Variants in CTNNBIP1 observed in about 807,000 individuals in gnomAD.
The protein encoded by CTNNBIP1 is beta-catenin-interacting protein 1.
In CTNNBIP1, 7 loss-of-function variants were observed where a neutral mutation model predicts 11.8. That is an observed-to-expected ratio of 0.60 (90% CI 0.34 to 1.12). CTNNBIP1 has a LOEUF of 1.12. Among genes scored for constraint, CTNNBIP1 ranks in the 50% most tolerant of loss-of-function variants. The probability of loss-of-function intolerance (pLI) is 0.03; values close to 1 mark genes in which losing one functional copy is unlikely to be tolerated. For missense variants in CTNNBIP1, 101 were observed against 113.4 expected (o/e 0.89, Z 0.50); for synonymous variants, 58 against 43.9 (o/e 1.32, Z -1.26).
intron 1 of CTNNBIP1, among the ~76,000 whole-genome samples, chr1:9,886,609 C>T (rs2101517881): frequency 1.3e-5 from 2 of 152,340 alleles, no homozygotes; most frequent in South Asian, 4.1e-4. Flanking sequence ...GGTGACATAA[C>T]TCACCTGTCA....
At chr1:9,905,421 C>G (rs927250315) in intron 1 of CTNNBIP1, among the ~76,000 whole-genome samples, 2 of 151,956 alleles carry the variant, frequency 1.3e-5, no homozygotes, top group Non-Finnish European at 2.9e-5. Flanking sequence ...CTTTCACCAC[C>G]CTACATTCTT....
At chr1:9,868,732 G>A (rs1638798201) in intron 5 of CTNNBIP1, among the ~76,000 whole-genome samples, 1 of 151,878 alleles carries the variant, frequency 6.6e-6, no homozygotes, top group African/African-American at 2.4e-5. Flanking sequence ...GATTCAAGCG[G>A]TTCTCCTGCC....
Position 9,872,082 on chromosome 1 carries a change from G to C in CTNNBIP1, c.-18C>G, listed in dbSNP as rs566850928. The C allele has an allele frequency of 1.5e-5, 24 of 1,595,298 alleles. No homozygotes were observed. The South Asian group carries it at 2.6e-4, about 18-fold the overall frequency. On this transcript the variant is annotated 5_prime_UTR_variant, in exon 4 of 6. Coordinates refer to ENST00000377263, the MANE Select transcript of CTNNBIP1 (RefSeq NM_020248.3). The surrounding 1 kb of genome is among the most constrained non-coding windows in gnomAD (Gnocchi z 4.0). Reference sequence around the variant, plus strand: ...CGGTTCATCCCCCTGCCTGGCTCTGGGGACTCCTGCAGAGCAAGCAACAGC... The same window carrying C: ...CGGTTCATCCCCCTGCCTGGCTCTGCGGACTCCTGCAGAGCAAGCAACAGC...
In CTNNBIP1 at chr1:9,903,312, T is replaced by C. The variant is rs183425836; in HGVS notation, c.-144+6783A>G. The stretch of plus-strand genomic sequence containing the variant: ...CTTTAACTCCCTCTTGGCCCTGCCA[T>C]TGGGGGTCCTCAATCATGTTATGAT... On this transcript the variant is annotated intron_variant, in intron 1 of 5. Coordinates refer to ENST00000377263, the MANE Select transcript of CTNNBIP1 (RefSeq NM_020248.3). Among the ~76,000 whole-genome samples the C allele has an allele frequency of 1.7e-3, 259 of 152,278 alleles. 6 individuals carry two copies. The Middle Eastern group carries it at 0.02, about 12-fold the overall frequency.
chr1:9,858,168 C>A (rs544921298), intron 5 of CTNNBIP1, among the ~76,000 whole-genome samples: 1 of 152,166 alleles, frequency 6.6e-6, no homozygotes, highest in Non-Finnish European at 1.5e-5. Flanking sequence ...CCACCCTGGT[C>A]GGGGGTGGGT....
chr1:9,856,449 G>A (rs767106799), intron 5 of CTNNBIP1, among the ~76,000 whole-genome samples: 30 of 150,110 alleles, frequency 2.0e-4, no homozygotes, highest in Non-Finnish European at 5.9e-5. Context: ...CACACAGAAT[G>A]AAAGAAAATG....
chr1:9,889,911 C>T (rs1023534679), intron 1 of CTNNBIP1, among the ~76,000 whole-genome samples: 1 of 152,148 alleles, frequency 6.6e-6, no homozygotes, highest in African/African-American at 2.4e-5. Flanking sequence ...AGAATCTGGA[C>T]AGGTGAGACA....
chr1:9,901,979 C>A lies in CTNNBIP1; in HGVS notation c.-144+8116G>T, dbSNP rs142908866. On this transcript the variant is annotated intron_variant, in intron 1 of 5. Transcript: ENST00000377263. ...AGCCCTTTGCCCTCTCTACCCAGCC[C>A]TGGCTGGAGGGAGAGAGGAACACTG... Among the ~76,000 whole-genome samples, 1,123 of 152,332 alleles carry A rather than the reference C, an allele frequency of 7.4e-3. 49 individuals are homozygous for A. Among genetic ancestry groups the A allele is most frequent in the Admixed American group, 0.07 (1,075 of 15,294 alleles).
chr1:9,859,358 T>C lies in CTNNBIP1; in HGVS notation c.188-8582A>G, dbSNP rs1013929299. On this transcript the variant is annotated intron_variant, in intron 5 of 5. Transcript: ENST00000377263. ...GACTGGGGAGAAAAAATGACAAATA[T>C]GCAGGAGCTTAGAAAAGGGAAGCTG... 8.5e-5 allele frequency among the ~76,000 whole-genome samples: 13 copies of C among 152,068 alleles called. No homozygotes were observed. The South Asian group carries it at 1.0e-3, about 12-fold the overall frequency.
At chr1:9,888,997 G>A (rs1010817499) in intron 1 of CTNNBIP1, among the ~76,000 whole-genome samples, 21 of 152,182 alleles carry the variant, frequency 1.4e-4, no homozygotes, top group African/African-American at 4.8e-4. Context: ...GTACTGACAC[G>A]GCAACCAGGC....
rs1404414676 is a variant in CTNNBIP1, at chr1:9,848,645, CATGTGT to C, written c.*2067_*2072del. ...AGCGGGGAGAGTGCGTGTGTGTGCACATGTGTATGAGTGTGCACACGGGTGTGCTCA... is the reference window on the plus strand; with the variant it reads ...AGCGGGGAGAGTGCGTGTGTGTGCACATGAGTGTGCACACGGGTGTGCTCA... On this transcript the variant is annotated 3_prime_UTR_variant, in exon 6 of 6. Transcript: ENST00000377263. The surrounding 1 kb of genome is among the most constrained non-coding windows in gnomAD (Gnocchi z 4.3). 1 of 152,230 alleles carries C rather than the reference CATGTGT, an allele frequency of 6.6e-6. No individual in the cohort carries two copies. The highest frequency in any genetic ancestry group is 1.5e-5 in the Non-Finnish European group (1 of 68,052). The allele number at this position is 152,230 out of a possible 1,614,324, so 9.4% of individuals were successfully genotyped here.
In CTNNBIP1 at chr1:9,890,443, TC is replaced by T. The variant is rs748425448; in HGVS notation, c.-143-6706del. The stretch of plus-strand genomic sequence containing the variant: ...AATTTTAAAAGAGGTTCTTTTTTCT[TC>T]CCAGAGAACAGCTGGAGCCCTGGAA... On this transcript the variant is annotated intron_variant, in intron 1 of 5. Coordinates refer to ENST00000377263, the MANE Select transcript of CTNNBIP1 (RefSeq NM_020248.3). Among the ~76,000 whole-genome samples the T allele has an allele frequency of 6.0e-4, 91 of 152,126 alleles. 1 individual carries two copies. The highest frequency in any genetic ancestry group is 7.6e-4 in the Non-Finnish European group (52 of 68,026).
chr1:9,884,640 G>A (rs377175416), intron 1 of CTNNBIP1, among the ~76,000 whole-genome samples: 1 of 152,116 alleles, frequency 6.6e-6, no homozygotes, highest in East Asian at 1.9e-4. Context: ...GCTATGAATT[G>A]GAACACATCA....
intron 5 of CTNNBIP1, among the ~76,000 whole-genome samples, chr1:9,869,796 C>A (rs925202200): frequency 3.9e-5 from 6 of 152,208 alleles, no homozygotes; most frequent in Admixed American, 6.5e-5. Flanking sequence ...ACTCAGAAGC[C>A]TGAAGGTTTC....
At chr1:9,874,034 C>G (rs1360618211) in intron 3 of CTNNBIP1, among the ~76,000 whole-genome samples, 1 of 152,202 alleles carries the variant, frequency 6.6e-6, no homozygotes, top group African/African-American at 2.4e-5. Context: ...TTAAACCTAC[C>G]TGAGAATGCA....
At chr1:9,901,510 T>C (rs1239914854) in intron 1 of CTNNBIP1, among the ~76,000 whole-genome samples, 5 of 152,116 alleles carry the variant, frequency 3.3e-5, no homozygotes, top group Non-Finnish European at 7.4e-5. Context: ...GGGGTGGTTA[T>C]TCGGTTCAGG....
chr1:9,896,662 G>A (rs987970688), intron 1 of CTNNBIP1, among the ~76,000 whole-genome samples: 7 of 151,500 alleles, frequency 4.6e-5, no homozygotes, highest in African/African-American at 7.3e-5. Context: ...GTAAAACCCC[G>A]TCTCTACTAA....
chr1:9,875,633 GTTC>G (rs764718774), intron 3 of CTNNBIP1, among the ~76,000 whole-genome samples: 230 of 152,360 alleles, frequency 1.5e-3, no homozygotes, highest in Non-Finnish European at 2.6e-3. Flanking sequence ...GCAAGAGACA[GTTC>G]TTCTCGCTAC....
intron 3 of CTNNBIP1, among the ~76,000 whole-genome samples, chr1:9,873,275 G>A (rs946141465): frequency 1.3e-5 from 2 of 152,150 alleles, no homozygotes; most frequent in Admixed American, 1.3e-4. Context: ...CTACAGCCCA[G>A]ACTCTATTAC....
Sources: gnomAD v4.1 joint callset for allele counts (sites outside exome capture counted in the v4.1 genomes callset) on GRCh38, gnomAD v4.1.1 for gene constraint, Gnocchi (gnomAD v3.1) non-coding constraint, MANE v1.5 for transcripts, NCBI Gene and HGNC (gene_info 2026-07-23, HGNC 2026-07-21) for gene names.